The following DCLRE1A variants were observed in gnomAD, a reference collection of about 807,000 sequenced individuals.
DCLRE1A encodes the protein DNA cross-link repair 1A.
DCLRE1A carries 64 observed loss-of-function variants against 91.9 expected under a neutral mutation model. The observed-to-expected ratio is 0.70, with a 90% confidence interval of 0.57 to 0.86. The LOEUF is 0.86. Ranked by LOEUF, DCLRE1A falls within the 40% of genes least tolerant of loss-of-function variation. DCLRE1A has a pLI of 0.00. For synonymous variants in DCLRE1A, 416 were observed against 431.1 expected, an observed-to-expected ratio of 0.96 and a Z score of 0.43; for missense variants, 1,145 against 1,213.3, an observed-to-expected ratio of 0.94 and a Z score of 0.84.
At position 113,845,821 on chromosome 10, in the gene DCLRE1A, C is replaced by T. The variant is rs1200534886; in HGVS notation, c.2260-18G>A. On this transcript the variant is annotated intron_variant, in intron 3 of 8. Transcript: ENST00000361384. ...CCAGTTATCTGCAAAACAGGACGTG[C>T]TTATTGCTGATGCAGTAAAACACTA... The T allele has an allele frequency of 3.2e-6, 5 of 1,580,626 alleles. No homozygotes were observed. The highest frequency in any genetic ancestry group is 4.3e-6 in the Non-Finnish European group (5 of 1,149,724).
rs1177162509 is a variant in DCLRE1A, at chr10:113,853,231, A to G, written c.-49T>C. 7.0e-7 allele frequency: 1 copy of G among 1,438,126 alleles called. No homozygotes were observed. The highest frequency in any genetic ancestry group is 2.3e-5 in the East Asian group (1 of 42,930). The allele number at this position is 1,438,126 out of a possible 1,614,324, so 89.1% of individuals were successfully genotyped here. ...GAAGTATTAATCTTAAGTAAACTGA[A>G]AGTCCATTTCTTGTCACAAACAAAA... On this transcript the variant is annotated 5_prime_UTR_variant, in exon 1 of 9. Transcript: ENST00000361384.
rs541633410 is a variant in DCLRE1A at position 113,842,230 on chromosome 10, A to G, written c.2665+113T>C. 37 of 926,718 alleles carry G rather than the reference A, an allele frequency of 4.0e-5. No homozygotes were observed. The South Asian group carries it at 6.2e-4, about 16-fold the overall frequency. The allele number at this position is 926,718 out of a possible 1,614,324, so 57.4% of individuals were successfully genotyped here. ...CCTTCAACTTCAAAGGTAATATTGAATCATTACAGGAAATAATTATCAAAT... is the reference window on the plus strand; with the variant it reads ...CCTTCAACTTCAAAGGTAATATTGAGTCATTACAGGAAATAATTATCAAAT... On this transcript the variant is annotated intron_variant, in intron 6 of 8. Transcript: ENST00000361384.
chr10:113,842,283 T>G (rs1168433783), intron 6 of DCLRE1A, 60 bp downstream of exon 6: 9 of 1,385,416 alleles, frequency 6.5e-6, no homozygotes, highest in Non-Finnish European at 8.8e-6. Flanking sequence ...AAGGGCATTA[T>G]GCAAAAAGAA....
Position 113,841,574 on chromosome 10 carries a change from A to G in DCLRE1A, c.2666-14T>C. 3 of 1,584,614 alleles carry G rather than the reference A, an allele frequency of 1.9e-6. No homozygotes were observed. The highest frequency in any genetic ancestry group is 2.6e-6 in the Non-Finnish European group (3 of 1,171,262). ...CATCAGCAATGGCTATGGGCAAAAG[A>G]AAAGATTAAAAATAGTAAACTTACA... On this transcript the variant is annotated splice_polypyrimidine_tract_variant and intron_variant, in intron 6 of 8. Transcript: ENST00000361384.
Position 113,850,169 on chromosome 10 carries a change from G to A in DCLRE1A, c.936C>T (p.Ile312=), listed in dbSNP as rs372393651. The change falls in exon 2 of 9, where the codon ATC becomes ATT. Residue 312 remains isoleucine, a synonymous_variant. Transcript: ENST00000361384. ...CTTGTGAATCATCCGGTTTTTCATC[G>A]ATATCATGAGTGTCTTCATCACTTT... is the stretch of plus-strand genomic sequence containing the variant. ...PLQSDEDTHD[I]DEKPDDSQEQ... 1.9e-5 allele frequency: 30 copies of A among 1,613,948 alleles called. No individual in the cohort carries two copies. Among genetic ancestry groups the A allele is most frequent in the Non-Finnish European group, 2.4e-5 (28 of 1,180,026 alleles).
intron 5 of DCLRE1A, among the ~76,000 whole-genome samples, chr10:113,842,760 G>A (rs1336376194): frequency 6.6e-6 from 1 of 151,786 alleles, no homozygotes; most frequent in Non-Finnish European, 1.5e-5. Flanking sequence ...TTTCCTCCAA[G>A]AATATTTCTA....
In DCLRE1A at chr10:113,849,565, G is replaced by A. The variant is rs1845604725; in HGVS notation, c.1540C>T (p.Pro514Ser). 5 of 1,613,630 alleles carry A rather than the reference G, an allele frequency of 3.1e-6. No homozygotes were observed. Among genetic ancestry groups the A allele is most frequent in the Non-Finnish European group, 4.2e-6 (5 of 1,179,992 alleles). Residue 514 changes from proline (P) to serine (S), a missense_variant, in exon 2 of 9, where the codon CCA becomes TCA. By Grantham distance (74) the Pro-to-Ser change is moderately conservative (BLOSUM62 -1). Coordinates refer to ENST00000361384, the MANE Select transcript of DCLRE1A (RefSeq NM_014881.5). Reference sequence around the variant, plus strand: ...TTTAAAATTGTAGCTTTACCAACTGGCACACCCTCTAATGCCTTTCTGCAG... The same window carrying A: ...TTTAAAATTGTAGCTTTACCAACTGACACACCCTCTAATGCCTTTCTGCAG... The part of the protein sequence containing the change: ...CFCRKALEGV[P>S]VGKATILNTE...
Position 113,841,452 on chromosome 10 carries a change from C to T in DCLRE1A, c.2774G>A (p.Cys925Tyr). Residue 925 changes from cysteine (C) to tyrosine (Y), a missense_variant, in exon 7 of 9, where the codon TGC (cysteine) becomes TAC (tyrosine). By Grantham distance (194) the Cys-to-Tyr change is radical (BLOSUM62 -2). Transcript: ENST00000361384. ...TGGGAGAAGGTGAACCAATGAACTG[C>T]ACATGTCGGTAGTGATGAGTGAATT... ...EINSLITTDMCSSLVHLLPMM... is the reference protein window; with the variant it reads ...EINSLITTDMYSSLVHLLPMM... 1.9e-6 allele frequency: 3 copies of T among 1,613,460 alleles called. No homozygotes were observed. The highest frequency in any genetic ancestry group is 2.5e-6 in the Non-Finnish European group (3 of 1,179,740).
Position 113,852,843 on chromosome 10 carries a change from T to C in DCLRE1A, c.340A>G (p.Ile114Val), listed in dbSNP as rs1845679238. The change falls in exon 1 of 9, where the codon ATA becomes GTA. Residue 114 changes from isoleucine (I) to valine (V), a missense_variant. By Grantham distance (29) the Ile-to-Val change is conservative. Transcript: ENST00000361384. ...TQKSQHVSPK[I>V]RPVYDGYCPN... ...CAGTATCCATCATAAACTGGACGTA[T>C]CTTTGGGGACACGTGTTGGCTTTTT... 1.2e-6 allele frequency: 2 copies of C among 1,614,058 alleles called. No individual in the cohort carries two copies. Among genetic ancestry groups the C allele is most frequent in the South Asian group, 1.1e-5 (1 of 91,084 alleles).
At chr10:113,845,608 A>G (rs1228984626) in intron 4 of DCLRE1A, 77 bp downstream of exon 4, 1 of 1,089,018 alleles carries the variant, frequency 9.2e-7, no homozygotes, top group African/African-American at 1.6e-5. Context: ...TATAATGAAA[A>G]AAGTTATTAA....
rs187518818 is a variant in DCLRE1A, at chr10:113,837,005, T to A, written c.2962+57A>T. 5.1e-5 allele frequency: 73 copies of A among 1,423,410 alleles called. No individual in the cohort carries two copies. In the East Asian group the frequency reaches 7.0e-4, roughly 14 times the overall value. 88.2% of individuals were successfully genotyped at this position (1,423,410 alleles called of 1,614,324 possible). On this transcript the variant is annotated intron_variant, in intron 8 of 8. Coordinates refer to ENST00000361384, the MANE Select transcript of DCLRE1A (RefSeq NM_014881.5). ...TGGATTTGAACCTTATTACATTTTT[T>A]AAAATGTAATTATAAACATTATAAA...
chr10:113,849,617 A>G lies in DCLRE1A; in HGVS notation c.1488T>C (p.Ala496=). 1 of 1,614,130 alleles carries G rather than the reference A, an allele frequency of 6.2e-7. No homozygotes were observed. The highest frequency in any genetic ancestry group is 8.5e-7 in the Non-Finnish European group (1 of 1,180,028). ...AACATGCTGAGTTAGTATTATTCTT[A>G]GCATTCAAGTTCTCACTTGATAATT... ...IRKLSSENLN[A]KNNTNSACFC... Residue 496 remains alanine, a synonymous_variant, in exon 2 of 9, where the codon GCT becomes GCC. Transcript: ENST00000361384.
At chr10:113,845,291 G>T (rs985644943) in intron 4 of DCLRE1A, among the ~76,000 whole-genome samples, 2 of 152,088 alleles carry the variant, frequency 1.3e-5, no homozygotes, top group Non-Finnish European at 2.9e-5. Context: ...GAGGGGTAGG[G>T]GGAGATAAAA....
Position 113,852,771 on chromosome 10 carries a change from G to C in DCLRE1A, c.412C>G (p.Arg138Gly), listed in dbSNP as rs41292634. 7 of 1,614,128 alleles carry C rather than the reference G, an allele frequency of 4.3e-6. No individual in the cohort carries two copies. Among genetic ancestry groups the C allele is most frequent in the Non-Finnish European group, 5.9e-6 (7 of 1,180,006 alleles). ...TCCAAACATTCAAAAACATGCCATC[G>C]AGGTGTCTGCCCTATCAATGAGGAA... ...PFSSLIGQTP[R>G]WHVFECLDSP... Residue 138 changes from arginine to glycine, a missense_variant, in exon 1 of 9, where the codon CGA (arginine) becomes GGA (glycine). Transcript: ENST00000361384.
At chr10:113,840,982 G>A (rs749679406) in intron 7 of DCLRE1A, among the ~76,000 whole-genome samples, 3 of 152,096 alleles carry the variant, frequency 2.0e-5, no homozygotes, top group Non-Finnish European at 4.4e-5. Flanking sequence ...GTCGCAACAA[G>A]TAAATTTTCA....
chr10:113,851,993 T>C (rs2134672532), intron 1 of DCLRE1A, among the ~76,000 whole-genome samples: 1 of 152,310 alleles, frequency 6.6e-6, no homozygotes, highest in East Asian at 1.9e-4. Context: ...ATTACTGGCA[T>C]GAGCCACTGT....
chr10:113,837,134 A>C lies in DCLRE1A; in HGVS notation c.2890T>G (p.Trp964Gly), dbSNP rs375378091. Residue 964 changes from tryptophan to glycine, a missense_variant, in exon 8 of 9, where the codon TGG becomes GGG. Physicochemically the swap from Trp to Gly is radical, Grantham distance 184. Coordinates refer to ENST00000361384, the MANE Select transcript of DCLRE1A (RefSeq NM_014881.5). ...NQILAFRPTG[W>G]THSNKFTRIA... ...CTAGTGAACTTGTTAGAGTGTGTCC[A>C]TCCTGTAGGTCGAAATGCCAAAATC... 3 of 1,613,462 alleles carry C rather than the reference A, an allele frequency of 1.9e-6. No homozygotes were observed. The highest frequency in any genetic ancestry group is 2.5e-6 in the Non-Finnish European group (3 of 1,179,754).
At position 113,845,749 on chromosome 10, in the gene DCLRE1A, G is replaced by A. The variant is rs1845526657; in HGVS notation, c.2314C>T (p.Pro772Ser). 1.9e-6 allele frequency: 3 copies of A among 1,613,952 alleles called. No homozygotes were observed. The highest frequency in any genetic ancestry group is 3.3e-4 in the Middle Eastern group (2 of 6,082). ...ATACATTCAGTGTCCAGTGGCAATG[G>A]GTGAATATATTGTTCTTGCACATGA... Reference protein sequence around the residue: ...KLHVQEQYIHPLPLDTECIVN... With the variant: ...KLHVQEQYIHSLPLDTECIVN... Residue 772 changes from proline (P) to serine (S), a missense_variant, in exon 4 of 9, where the codon CCA becomes TCA. Coordinates refer to ENST00000361384, the MANE Select transcript of DCLRE1A (RefSeq NM_014881.5).
At chr10:113,838,830 T>A (rs1003219437) in intron 7 of DCLRE1A, among the ~76,000 whole-genome samples, 9 of 152,198 alleles carry the variant, frequency 5.9e-5, no homozygotes, top group Admixed American at 5.2e-4. Flanking sequence ...GAACTTGGGA[T>A]GTTGAACTAG....
Sources: allele counts gnomAD v4.1 joint callset (sites outside exome capture counted in the v4.1 genomes callset), GRCh38; gene constraint gnomAD v4.1.1; transcripts MANE v1.5; gene names NCBI Gene and HGNC (gene_info 2026-07-23, HGNC 2026-07-21).